IGSF10: variants seen among roughly 807,000 people sequenced by gnomAD.
IGSF10 encodes immunoglobulin superfamily member 10.
In IGSF10, 126 loss-of-function variants were observed where a neutral mutation model predicts 128.2. The ratio of observed to expected loss-of-function variants is 0.98; its 90% CI spans 0.85 to 1.14. The LOEUF is 1.14. Among genes scored for constraint, IGSF10 ranks in the 50% most tolerant of loss-of-function variants. The pLI is 0.00. For missense variants in IGSF10, 3,295 were observed against 3,149.8 expected, an observed-to-expected ratio of 1.05 and a Z score of -1.10; for synonymous variants, 1,185 against 1,146.2, an observed-to-expected ratio of 1.03 and a Z score of -0.68.
At chr3:151,500,739 C>G in the IGSF10 span, among the ~76,000 whole-genome samples, 1 of 152,214 alleles carries the variant, frequency 6.6e-6, no homozygotes, top group East Asian at 1.9e-4. Context: ...ATCACATTTG[C>G]ACGTATATTC....
At chr3:151,495,739 G>A in the IGSF10 span, among the ~76,000 whole-genome samples, 2 of 152,030 alleles carry the variant, frequency 1.3e-5, no homozygotes, top group African/African-American at 4.8e-5. Context: ...GGGAACATGA[G>A]CCAAATATTG....
the IGSF10 span, among the ~76,000 whole-genome samples, chr3:151,527,573 C>T: frequency 3.3e-5 from 5 of 151,892 alleles, no homozygotes; most frequent in Admixed American, 3.3e-4. Flanking sequence ...ATTTAAGTCC[C>T]AGTATTAATT....
the IGSF10 span, among the ~76,000 whole-genome samples, chr3:151,589,882 T>G: frequency 6.6e-6 from 1 of 152,218 alleles, no homozygotes; most frequent in African/African-American, 2.4e-5. Context: ...AATATATTGC[T>G]TTGAAAACTT....
the IGSF10 span, among the ~76,000 whole-genome samples, chr3:151,613,557 A>G: frequency 6.6e-6 from 1 of 152,254 alleles, no homozygotes; most frequent in Non-Finnish European, 1.5e-5. Context: ...CAAACCTGAC[A>G]AAAACAAGCA....
At chr3:151,614,328 C>T in the IGSF10 span, among the ~76,000 whole-genome samples, 1 of 152,146 alleles carries the variant, frequency 6.6e-6, no homozygotes, top group Admixed American at 6.5e-5. Context: ...TGGGTATATA[C>T]CCAAAGGACT....
the IGSF10 span, among the ~76,000 whole-genome samples, chr3:151,540,576 A>G: frequency 6.6e-6 from 1 of 152,200 alleles, no homozygotes; most frequent in Non-Finnish European, 1.5e-5. Context: ...TAGAGCTATT[A>G]TAAATAGTAG....
At chr3:151,513,552 A>G in the IGSF10 span, among the ~76,000 whole-genome samples, 8 of 152,176 alleles carry the variant, frequency 5.3e-5, no homozygotes, top group African/African-American at 1.4e-4. Flanking sequence ...TCCCTTTGAA[A>G]ACTGGCACAA....
At chr3:151,494,536 T>C in the IGSF10 span, among the ~76,000 whole-genome samples, 1 of 152,100 alleles carries the variant, frequency 6.6e-6, no homozygotes, top group African/African-American at 2.4e-5. Context: ...GTTCATGGAA[T>C]ATCTGGGCTG....
chr3:151,434,796 ATGAG>A (rs1195667790), downstream of IGSF10: 1 of 152,248 alleles, frequency 6.6e-6, no homozygotes, highest in Non-Finnish European at 1.5e-5. Context: ...TGTTTTAAGA[ATGAG>A]TGTTATAATT....
At chr3:151,498,495 G>A in the IGSF10 span, among the ~76,000 whole-genome samples, 2 of 152,012 alleles carry the variant, frequency 1.3e-5, no homozygotes, top group African/African-American at 4.8e-5. Flanking sequence ...TGGGATGCAA[G>A]GCTGGTTCAA....
chr3:151,485,778 C>A, the IGSF10 span, among the ~76,000 whole-genome samples: 1 of 152,156 alleles, frequency 6.6e-6, no homozygotes, highest in African/African-American at 2.4e-5. Flanking sequence ...ATCAGGCCTG[C>A]CTTACAAGAG....
At chr3:151,508,752 T>G in the IGSF10 span, among the ~76,000 whole-genome samples, 1 of 152,156 alleles carries the variant, frequency 6.6e-6, no homozygotes, top group Non-Finnish European at 1.5e-5. Flanking sequence ...AAAAGAGAGA[T>G]AAACAGGATT....
the IGSF10 span, among the ~76,000 whole-genome samples, chr3:151,563,656 T>C: frequency 6.6e-6 from 1 of 152,150 alleles, no homozygotes; most frequent in East Asian, 1.9e-4. Flanking sequence ...AGCTCTAGTT[T>C]AAAGCACTGG....
At chr3:151,551,146 T>C in the IGSF10 span, among the ~76,000 whole-genome samples, 2 of 152,206 alleles carry the variant, frequency 1.3e-5, no homozygotes, top group Non-Finnish European at 2.9e-5. Flanking sequence ...AGTGGTTTCT[T>C]GGCTTGCAGA....
At chr3:151,479,811 T>A in the IGSF10 span, among the ~76,000 whole-genome samples, 2 of 152,176 alleles carry the variant, frequency 1.3e-5, no homozygotes, top group African/African-American at 4.8e-5. Context: ...ATATGGAATA[T>A]AATTTATATC....
chr3:151,547,021 C>CCCG, the IGSF10 span, among the ~76,000 whole-genome samples: 4 of 152,102 alleles, frequency 2.6e-5, no homozygotes, highest in African/African-American at 9.6e-5. Flanking sequence ...TCCACCCCCC[C>CCCG]CTTGGCCTCC....
At chr3:151,503,471 C>T in the IGSF10 span, among the ~76,000 whole-genome samples, 2 of 151,668 alleles carry the variant, frequency 1.3e-5, no homozygotes. Context: ...TACTTATATA[C>T]AATAAAAATG....
Position 151,448,286 on chromosome 3 carries a change from C to T in IGSF10, c.1695G>A (p.Arg565=), listed in dbSNP as rs758154653. Residue 565 remains arginine (R), a synonymous_variant, in exon 6 of 8, where the codon AGG becomes AGA. Transcript: ENST00000282466. ...NYDDADILTY[R]ITVVEPLVEA... ...CGACCAAAGGTTCTACCACAGTTATCCTATAGGTGAGAATATCTGCATCAT... is the reference window on the plus strand; with the variant it reads ...CGACCAAAGGTTCTACCACAGTTATTCTATAGGTGAGAATATCTGCATCAT... 7 of 1,614,208 alleles carry T rather than the reference C, an allele frequency of 4.3e-6. No homozygotes were observed. The East Asian group carries it at 1.6e-4, about 36-fold the overall frequency.
At chr3:151,484,729 C>CCAA in the IGSF10 span, among the ~76,000 whole-genome samples, 3 of 131,626 alleles carry the variant, frequency 2.3e-5, no homozygotes, top group East Asian at 6.6e-4. Flanking sequence ...GGAAAACTGA[C>CCAA]AAAAAAAAAA....
Sources: gnomAD v4.1 joint callset for allele counts (sites outside exome capture counted in the v4.1 genomes callset) on GRCh38, gnomAD v4.1.1 for gene constraint, MANE v1.5 for transcripts, NCBI Gene and HGNC (gene_info 2026-07-23, HGNC 2026-07-21) for gene names.